BMPR1A: variants seen among roughly 807,000 people sequenced by gnomAD.
BMPR1A encodes the protein bone morphogenetic protein receptor type 1A.
Under a neutral mutation model 66.0 loss-of-function variants are expected in BMPR1A, and 7 were observed. The ratio of observed to expected loss-of-function variants is 0.11; its 90% CI spans 0.06 to 0.20. The LOEUF is 0.20. Ranked by LOEUF, BMPR1A falls within the 10% of genes least tolerant of loss-of-function variation. The pLI is 1.00. For synonymous variants in BMPR1A, 200 were observed against 229.7 expected (o/e 0.87, Z 1.17); for missense variants, 408 against 669.1 (o/e 0.61, Z 4.31).
At chr10:86,772,905 C>T (rs904104051) in intron 1 of BMPR1A, among the ~76,000 whole-genome samples, 2 of 152,070 alleles carry the variant, frequency 1.3e-5, no homozygotes, top group African/African-American at 4.8e-5. Context: ...ATTTATACTA[C>T]TCAAAGGTAA....
intron 2 of BMPR1A, among the ~76,000 whole-genome samples, chr10:86,862,626 C>A (rs1043671644): frequency 1.3e-5 from 2 of 151,952 alleles, no homozygotes; most frequent in African/African-American, 4.8e-5. Context: ...TGGTCCAGAG[C>A]GAGCAGTGGA....
intron 7 of BMPR1A, among the ~76,000 whole-genome samples, chr10:86,910,323 G>A (rs774812104): frequency 6.6e-6 from 1 of 152,110 alleles, no homozygotes; most frequent in Non-Finnish European, 1.5e-5. Flanking sequence ...GGAGGACAGA[G>A]TAAGACTCCA....
At chr10:86,874,394 C>A (rs912186440) in intron 2 of BMPR1A, among the ~76,000 whole-genome samples, 42 of 150,978 alleles carry the variant, frequency 2.8e-4, no homozygotes, top group African/African-American at 9.9e-4. Context: ...TTTCCCTCCG[C>A]TCCCCTCCCC....
intron 1 of BMPR1A, among the ~76,000 whole-genome samples, chr10:86,767,584 G>C (rs180752613): frequency 6.6e-6 from 1 of 152,252 alleles, no homozygotes; most frequent in African/African-American, 2.4e-5. Context: ...AAGCTGAGGT[G>C]GGGGGATCGC....
chr10:86,831,003 C>T (rs890975078), intron 1 of BMPR1A, among the ~76,000 whole-genome samples: 27 of 152,168 alleles, frequency 1.8e-4, no homozygotes, highest in African/African-American at 6.3e-4. Context: ...GCTTCTTTCA[C>T]TTAGCATATA....
chr10:86,894,434 G>A (rs747875850), intron 5 of BMPR1A, among the ~76,000 whole-genome samples: 10 of 152,280 alleles, frequency 6.6e-5, no homozygotes, highest in Non-Finnish European at 1.3e-4. Flanking sequence ...TGCTAATTTC[G>A]TTGTTCCAGT....
intron 2 of BMPR1A, among the ~76,000 whole-genome samples, chr10:86,847,320 C>G (rs1046862470): frequency 6.6e-6 from 1 of 151,776 alleles, no homozygotes; most frequent in Non-Finnish European, 1.5e-5. Flanking sequence ...AATAATTTCT[C>G]TCTTGCACTA....
At chr10:86,781,857 C>CTTTTTTT (rs1162095658) in intron 1 of BMPR1A, among the ~76,000 whole-genome samples, 59 of 84,202 alleles carry the variant, frequency 7.0e-4, no homozygotes, top group Non-Finnish European at 7.7e-4. Flanking sequence ...GACAGGATTT[C>CTTTTTTT]TTTTTTTTTT....
chr10:86,883,161 C>G (rs551309876), intron 3 of BMPR1A, among the ~76,000 whole-genome samples: 1 of 151,996 alleles, frequency 6.6e-6, no homozygotes, highest in Non-Finnish European at 1.5e-5. Flanking sequence ...CTTGGATTAT[C>G]GTGGGTAATT....
chr10:86,898,059 T>TCA (rs991422982), intron 5 of BMPR1A, among the ~76,000 whole-genome samples: 4 of 152,118 alleles, frequency 2.6e-5, no homozygotes, highest in African/African-American at 9.7e-5. Context: ...CTTAATCTGT[T>TCA]GGCAGAGTCT....
chr10:86,893,721 G>A (rs1843187690), intron 5 of BMPR1A, among the ~76,000 whole-genome samples: 1 of 151,888 alleles, frequency 6.6e-6, no homozygotes, highest in Admixed American at 6.6e-5. Context: ...CCGGGAGGTG[G>A]AGCTTGCAGT....
intron 1 of BMPR1A, among the ~76,000 whole-genome samples, chr10:86,835,443 G>A (rs371606677): frequency 6.7e-6 from 1 of 148,248 alleles, no homozygotes; most frequent in East Asian, 2.0e-4. Context: ...CCCAGCTACT[G>A]GGGAGGCTGA....
intron 1 of BMPR1A, among the ~76,000 whole-genome samples, chr10:86,775,356 C>A (rs1005627944): frequency 1.3e-5 from 2 of 152,164 alleles, no homozygotes; most frequent in Admixed American, 1.3e-4. Context: ...CCCAGACATG[C>A]TTTGAGTCAT....
chr10:86,881,139 A>G (rs775181287), intron 3 of BMPR1A, among the ~76,000 whole-genome samples: 1 of 152,084 alleles, frequency 6.6e-6, no homozygotes, highest in Non-Finnish European at 1.5e-5. Context: ...TTCCTGGCTG[A>G]GGTGGGCGGG....
At chr10:86,913,228 C>T (rs1843516490) in intron 8 of BMPR1A, among the ~76,000 whole-genome samples, 1 of 151,658 alleles carries the variant, frequency 6.6e-6, no homozygotes. Context: ...CAAGTTCAAG[C>T]AATTCCCGTC....
At chr10:86,847,159 T>C (rs1842498120) in intron 2 of BMPR1A, among the ~76,000 whole-genome samples, 1 of 152,100 alleles carries the variant, frequency 6.6e-6, no homozygotes, top group Admixed American at 6.6e-5. Context: ...CTGGCCCATT[T>C]GGGGTACTTT....
At chr10:86,846,037 T>C (rs575253338) in intron 2 of BMPR1A, among the ~76,000 whole-genome samples, 87 of 151,968 alleles carry the variant, frequency 5.7e-4, no homozygotes, top group Admixed American at 1.8e-3. Flanking sequence ...TATGTATATA[T>C]CTCTGAAACA....
downstream of BMPR1A, chr10:86,931,657 A>G (rs1303969126): frequency 6.6e-6 from 1 of 152,260 alleles, no homozygotes; most frequent in East Asian, 1.9e-4. Context: ...ATGTGGATCT[A>G]ATAAGTGACA....
intron 1 of BMPR1A, among the ~76,000 whole-genome samples, chr10:86,769,127 A>C (rs755089470): frequency 1.3e-5 from 2 of 152,200 alleles, no homozygotes; most frequent in Admixed American, 1.3e-4. Context: ...GAATTTGCAA[A>C]ATGCTTCTGT....
Sources: gnomAD v4.1 joint callset for allele counts (sites outside exome capture counted in the v4.1 genomes callset) on GRCh38, gnomAD v4.1.1 for gene constraint, MANE v1.5 for transcripts, NCBI Gene and HGNC (gene_info 2026-07-23, HGNC 2026-07-21) for gene names.